The following CPS1 variants were observed in gnomAD, a reference collection of about 807,000 sequenced individuals.
The protein encoded by CPS1 is carbamoyl-phosphate synthase [ammonia], mitochondrial.
Under a neutral mutation model 174.6 loss-of-function variants are expected in CPS1, and 109 were observed. The ratio of observed to expected loss-of-function variants is 0.62; its 90% confidence interval spans 0.53 to 0.73. The LOEUF (loss-of-function observed/expected upper bound fraction) is 0.73, where lower values mean the gene tolerates loss of function less well. Ranked by LOEUF, CPS1 falls within the 30% of genes least tolerant of loss-of-function variation. The pLI is 0.00. For missense variants in CPS1, 1,689 were observed against 1,821.9 expected (o/e 0.93, Z 1.33); for synonymous variants, 637 against 632.0 (o/e 1.01, Z -0.12).
chr2:210,611,133 G>A (rs950812865), intron 19 of CPS1, among the ~76,000 whole-genome samples: 2 of 151,818 alleles, frequency 1.3e-5, no homozygotes, highest in African/African-American at 4.8e-5. Context: ...TTAACAGGTT[G>A]TTTATTCCTG....
chr2:210,543,219 A>G (rs1696478436), intron 1 of CPS1, among the ~76,000 whole-genome samples: 1 of 152,176 alleles, frequency 6.6e-6, no homozygotes, highest in African/African-American at 2.4e-5. Flanking sequence ...CTATACAGCA[A>G]TTAATCTATT....
Position 210,595,583 on chromosome 2 carries a change from G to T in CPS1, c.1359+1G>T. The T allele has an allele frequency of 6.3e-7, 1 of 1,599,314 alleles. No homozygotes were observed. The highest frequency in any genetic ancestry group is 8.6e-7 in the Non-Finnish European group (1 of 1,167,408). ...ATCTCAAGCTGTAAAAGCCATGAAG[G>T]TGAGAGAATATGATCCTTACTAGAA... On this transcript the variant is annotated splice_donor_variant, in intron 13 of 37. Coordinates refer to ENST00000233072, the MANE Select transcript of CPS1 (RefSeq NM_001875.5). LOFTEE classifies it high-confidence loss of function.
rs559305572 is a variant in CPS1 at position 210,649,929 on chromosome 2, T to C, written c.3405-434T>C. On this transcript the variant is annotated intron_variant, in intron 27 of 37. Transcript: ENST00000233072. ...TGGTTGAGGGAGTAGCATAACCTGC[T>C]TTGACAACAGAGCAGTAGGCTAAGA... is the stretch of plus-strand genomic sequence containing the variant. Among the ~76,000 whole-genome samples, 7 of 152,330 alleles carry C rather than the reference T, an allele frequency of 4.6e-5. No individual in the cohort carries two copies. The South Asian group carries it at 1.4e-3, about 32-fold the overall frequency.
rs1248368809 is a variant in CPS1, at chr2:210,606,771, T to A, written c.2022T>A (p.Asn674Lys). 1 of 1,612,440 alleles carries A rather than the reference T, an allele frequency of 6.2e-7. No individual in the cohort carries two copies. The highest frequency in any genetic ancestry group is 8.5e-7 in the Non-Finnish European group (1 of 1,179,072). Residue 674 changes from asparagine (N) to lysine (K), a missense_variant, in exon 18 of 38, where the codon AAT becomes AAA. By Grantham distance (94) the Asn-to-Lys change is moderately conservative. Coordinates refer to ENST00000233072, the MANE Select transcript of CPS1 (RefSeq NM_001875.5). ...VVVAPAQTLS[N>K]AEFQMLRRTS... ...TGGCTCCTGCCCAGACACTCTCCAA[T>A]GCCGAGTTTCAGATGTTGAGACGTA...
chr2:210,605,245 A>G lies in CPS1; in HGVS notation c.1980A>G (p.Thr660=), dbSNP rs1441730626. Reference sequence around the variant, plus strand: ...ATGTTGATGCCATGGGTGTTCACACAGGTAGGCAAAGTATCTTCAAGAACT... The same window carrying G: ...ATGTTGATGCCATGGGTGTTCACACGGGTAGGCAAAGTATCTTCAAGAACT... ...MENVDAMGVH[T]GDSVVVAPAQ... is the part of the protein sequence containing the mutation. Residue 660 remains threonine (T), a splice_region_variant and synonymous_variant, in exon 17 of 38, where the codon ACA becomes ACG. Transcript: ENST00000233072. 6.2e-7 allele frequency: 1 copy of G among 1,611,842 alleles called. No individual in the cohort carries two copies. The highest frequency in any genetic ancestry group is 8.5e-7 in the Non-Finnish European group (1 of 1,178,584).
In CPS1 at chr2:210,616,465, A is replaced by T. The variant is rs750006303; in HGVS notation, c.2611A>T (p.Thr871Ser). The T allele has an allele frequency of 9.9e-6, 16 of 1,612,350 alleles. No individual in the cohort carries two copies. In the South Asian group the frequency reaches 1.6e-4, roughly 17 times the overall value. ...GTCCCTTGATGAGATTGAGAAGCTC[A>T]CATACATTGACAAGTGGTTTTTGTA... is the stretch of plus-strand genomic sequence containing the variant. ...NMSLDEIEKL[T>S]YIDKWFLYKM... Residue 871 changes from threonine (T) to serine (S), a missense_variant, in exon 21 of 38, where the codon ACA becomes TCA. By Grantham distance (58) the Thr-to-Ser change is moderately conservative. Coordinates refer to ENST00000233072, the MANE Select transcript of CPS1 (RefSeq NM_001875.5).
At chr2:210,555,786 G>C, upstream of CPS1, 2 of 403,786 alleles carry the variant, frequency 5.0e-6, no homozygotes, top group Non-Finnish European at 1.0e-5. Flanking sequence ...CCCCTTGAGA[G>C]CCTGGTTAAA....
intron 1 of CPS1, among the ~76,000 whole-genome samples, chr2:210,525,085 A>G (rs1695938565): frequency 6.6e-6 from 1 of 151,894 alleles, no homozygotes; most frequent in Admixed American, 6.6e-5. Context: ...GTCTCTTGTC[A>G]TCATCAGTCA....
At chr2:210,646,620 A>G (rs1700383815) in intron 25 of CPS1, among the ~76,000 whole-genome samples, 1 of 152,206 alleles carries the variant, frequency 6.6e-6, no homozygotes, top group African/African-American at 2.4e-5. Flanking sequence ...GCTAAGCTCA[A>G]TGGCCTATCA....
At chr2:210,624,206 T>C (rs953815767) in intron 21 of CPS1, among the ~76,000 whole-genome samples, 1 of 152,116 alleles carries the variant, frequency 6.6e-6, no homozygotes, top group African/African-American at 2.4e-5. Context: ...CTCATATTAC[T>C]ACTAACTCAC....
chr2:210,641,421 TAGCAAG>T (rs1421660914), intron 24 of CPS1, among the ~76,000 whole-genome samples: 1 of 152,140 alleles, frequency 6.6e-6, no homozygotes, highest in Non-Finnish European at 1.5e-5. Context: ...CCACTACAGC[TAGCAAG>T]CTTTTCTATA....
intron 21 of CPS1, chr2:210,618,934 A>G (rs534059186): frequency 6.6e-6 from 1 of 151,960 alleles, no homozygotes; most frequent in African/African-American, 2.4e-5. Flanking sequence ...TTTCATTTGT[A>G]TTTATTTATG....
chr2:210,584,754 C>A (rs545501539), intron 6 of CPS1, among the ~76,000 whole-genome samples: 2 of 151,920 alleles, frequency 1.3e-5, no homozygotes, highest in East Asian at 1.9e-4. Flanking sequence ...CTGTGGCTAA[C>A]CTCATGCTAT....
At chr2:210,621,273 A>C (rs1022999114) in intron 21 of CPS1, among the ~76,000 whole-genome samples, 1 of 152,070 alleles carries the variant, frequency 6.6e-6, no homozygotes, top group African/African-American at 2.4e-5. Context: ...GTACGATATA[A>C]GTTGTGTCAT....
intron 1 of CPS1, among the ~76,000 whole-genome samples, chr2:210,494,203 G>A (rs1694936081): frequency 6.6e-6 from 1 of 152,216 alleles, no homozygotes; most frequent in Admixed American, 6.5e-5. Flanking sequence ...AAATGGGTTT[G>A]TATAATTTTA....
chr2:210,564,979 A>C (rs1303982018), intron 1 of CPS1, among the ~76,000 whole-genome samples: 2 of 151,892 alleles, frequency 1.3e-5, no homozygotes, highest in African/African-American at 4.8e-5. Context: ...TGGTCGACAG[A>C]GAGATTTCAT....
intron 2 of CPS1, 44 bp from the exon 3 acceptor site, chr2:210,576,302 T>C: frequency 6.2e-7 from 1 of 1,600,118 alleles, no homozygotes; most frequent in Non-Finnish European, 8.6e-7. Context: ...AGCTTTGTAG[T>C]TACATACATT....
rs1343430965 is a variant in CPS1 at position 210,576,370 on chromosome 2, T to A, written c.261T>A (p.Pro87=). The A allele has an allele frequency of 4.3e-6, 7 of 1,613,606 alleles. No individual in the cohort carries two copies. Among genetic ancestry groups the A allele is most frequent in the Non-Finnish European group, 5.9e-6 (7 of 1,179,704 alleles). Residue 87 remains proline (P), a synonymous_variant, in exon 3 of 38, where the codon CCT becomes CCA. Transcript: ENST00000233072. ...GGTACCCAGAAGCTATTACTGACCC[T>A]GCCTACAAAGGACAGATTCTCACAA... ...LGGYPEAITD[P]AYKGQILTMA...
At chr2:210,513,742 T>C (rs1189038785) in intron 1 of CPS1, among the ~76,000 whole-genome samples, 7 of 152,074 alleles carry the variant, frequency 4.6e-5, no homozygotes, top group African/African-American at 1.7e-4. Context: ...TTTTGAGGAC[T>C]TAGTCATAAA....
Sources: allele counts gnomAD v4.1 joint callset (sites outside exome capture counted in the v4.1 genomes callset), GRCh38; gene constraint gnomAD v4.1.1; transcripts MANE v1.5; gene names NCBI Gene and HGNC (gene_info 2026-07-23, HGNC 2026-07-21).